The following TNR variants were observed in gnomAD, a reference collection of about 807,000 sequenced individuals.
The protein encoded by TNR is tenascin R.
TNR carries 45 observed loss-of-function variants against 150.4 expected under a neutral mutation model. The observed-to-expected ratio is 0.30, with a 90% CI of 0.24 to 0.38. TNR has a LOEUF of 0.38. Among genes scored for constraint, TNR ranks in the 10% least tolerant of loss-of-function variants. The pLI is 1.00. For synonymous variants in TNR, 687 were observed against 678.4 expected, an observed-to-expected ratio of 1.01 and a Z score of -0.20; for missense variants, 1,544 against 1,759.1, an observed-to-expected ratio of 0.88 and a Z score of 2.19.
intron 9 of TNR, among the ~76,000 whole-genome samples, chr1:175,379,253 T>C (rs982451171): frequency 6.0e-5 from 9 of 150,134 alleles, no homozygotes; most frequent in African/African-American, 2.2e-4. Context: ...GAGGGGGTTA[T>C]TGCAATGGTT....
At chr1:175,604,249 G>C (rs1663343343) in intron 1 of TNR, among the ~76,000 whole-genome samples, 1 of 152,144 alleles carries the variant, frequency 6.6e-6, no homozygotes, top group Admixed American at 6.5e-5. Context: ...CAGCGGAGAT[G>C]GATGGCCCCT....
chr1:175,414,671 C>T (rs1452271236), intron 2 of TNR, among the ~76,000 whole-genome samples: 1 of 152,230 alleles, frequency 6.6e-6, no homozygotes, highest in South Asian at 2.1e-4. Flanking sequence ...GTGCTCACTC[C>T]CCTCTAGGGA....
intron 1 of TNR, among the ~76,000 whole-genome samples, chr1:175,607,934 C>T (rs1035263045): frequency 2.0e-5 from 3 of 152,210 alleles, no homozygotes; most frequent in African/African-American, 7.2e-5. Context: ...AGCTGCTTAA[C>T]TGATGTACAG....
intron 21 of TNR, among the ~76,000 whole-genome samples, chr1:175,326,607 C>T (rs1221686645): frequency 6.6e-6 from 1 of 152,208 alleles, no homozygotes; most frequent in Non-Finnish European, 1.5e-5. Flanking sequence ...TCACTCTTTC[C>T]CATCTCTTCC....
chr1:175,375,233 G>A (rs752411165), intron 9 of TNR, among the ~76,000 whole-genome samples: 1 of 151,078 alleles, frequency 6.6e-6, no homozygotes, highest in African/African-American at 2.4e-5. Flanking sequence ...CTGTTACATG[G>A]TGCCAGGTTC....
intron 2 of TNR, among the ~76,000 whole-genome samples, chr1:175,413,288 AGTGTT>A (rs2102054584): frequency 6.6e-6 from 1 of 152,272 alleles, no homozygotes; most frequent in East Asian, 1.9e-4. Flanking sequence ...GGCCTCCCAA[AGTGTT>A]GGGATTACAG....
intron 1 of TNR, among the ~76,000 whole-genome samples, chr1:175,707,611 T>C (rs535094516): frequency 1.5e-4 from 23 of 152,252 alleles, no homozygotes; most frequent in Middle Eastern, 3.4e-3. Flanking sequence ...TTCACAGGCC[T>C]AAAAAAGACC....
At chr1:175,471,734 T>C (rs992908271) in intron 2 of TNR, among the ~76,000 whole-genome samples, 2 of 152,178 alleles carry the variant, frequency 1.3e-5, no homozygotes, top group African/African-American at 2.4e-5. Flanking sequence ...CACTGAATAC[T>C]TAGGCCATAC....
At chr1:175,424,865 G>C (rs757579989) in intron 2 of TNR, among the ~76,000 whole-genome samples, 1 of 152,046 alleles carries the variant, frequency 6.6e-6, no homozygotes, top group Non-Finnish European at 1.5e-5. Context: ...TGGAGCACGT[G>C]CTCAGAAAGA....
At chr1:175,627,947 A>G (rs1330120765) in intron 1 of TNR, among the ~76,000 whole-genome samples, 1 of 152,162 alleles carries the variant, frequency 6.6e-6, no homozygotes, top group Non-Finnish European at 1.5e-5. Flanking sequence ...AGCTGCCCCA[A>G]TCCACGATAG....
At chr1:175,709,055 G>A (rs895194281) in intron 1 of TNR, among the ~76,000 whole-genome samples, 6 of 136,076 alleles carry the variant, frequency 4.4e-5, no homozygotes, top group African/African-American at 1.7e-4. Context: ...CGCCTCACTG[G>A]GGGAAGATGA....
At chr1:175,734,429 T>C (rs1180220037) in intron 1 of TNR, among the ~76,000 whole-genome samples, 1 of 152,210 alleles carries the variant, frequency 6.6e-6, no homozygotes, top group East Asian at 1.9e-4. Context: ...TCTCCACAGC[T>C]AGTAAGTGGC....
intron 1 of TNR, among the ~76,000 whole-genome samples, chr1:175,718,786 C>T (rs766442931): frequency 6.6e-6 from 1 of 152,162 alleles, no homozygotes; most frequent in Non-Finnish European, 1.5e-5. Flanking sequence ...ACTTGTCTAA[C>T]GTAACACAGG....
intron 10 of TNR, 128 bp from the exon 11 acceptor site, chr1:175,366,266 A>G: frequency 9.8e-7 from 1 of 1,024,388 alleles, no homozygotes; most frequent in Non-Finnish European, 1.4e-6. Flanking sequence ...GTCATTGCTG[A>G]CACTTATCTA....
At position 175,537,214 on chromosome 1, in the gene TNR, C is replaced by T. The variant is rs61805097; in HGVS notation, c.-164-8845G>A. Among the ~76,000 whole-genome samples the T allele has an allele frequency of 1.5e-3, 228 of 152,306 alleles. 2 individuals carry two copies. The highest frequency in any genetic ancestry group is 8.5e-3 in the South Asian group (41 of 4,832). ...AGCCATCAATCACCAGGGTAATTTC[C>T]TGTCTTAAGACATGTGCTCTCCTCA... is the stretch of plus-strand genomic sequence containing the variant. On this transcript the variant is annotated intron_variant, in intron 1 of 22. Coordinates refer to ENST00000367674, the MANE Select transcript of TNR (RefSeq NM_003285.3).
chr1:175,567,547 T>C (rs1661691852), intron 1 of TNR, among the ~76,000 whole-genome samples: 2 of 152,134 alleles, frequency 1.3e-5, no homozygotes, highest in Admixed American at 6.6e-5. Context: ...CATCTGCGGG[T>C]CTAACATGGC....
At chr1:175,517,061 G>T (rs1156861046) in intron 2 of TNR, among the ~76,000 whole-genome samples, 1 of 145,822 alleles carries the variant, frequency 6.9e-6, no homozygotes, top group Non-Finnish European at 1.5e-5. Flanking sequence ...GAGAGAGAAA[G>T]AGAGAGAGAC....
At chr1:175,395,101 C>T (rs1292952571) in intron 5 of TNR, among the ~76,000 whole-genome samples, 1 of 151,960 alleles carries the variant, frequency 6.6e-6, no homozygotes, top group African/African-American at 2.4e-5. Flanking sequence ...TAATTATAGG[C>T]ATATTAACAG....
At chr1:175,715,242 C>T (rs1462941393) in intron 1 of TNR, among the ~76,000 whole-genome samples, 1 of 152,184 alleles carries the variant, frequency 6.6e-6, no homozygotes, top group African/African-American at 2.4e-5. Flanking sequence ...GCTCTCAGTA[C>T]CCATTCCATG....
Sources: gnomAD v4.1 joint callset for allele counts (sites outside exome capture counted in the v4.1 genomes callset) on GRCh38, gnomAD v4.1.1 for gene constraint, MANE v1.5 for transcripts, NCBI Gene and HGNC (gene_info 2026-07-23, HGNC 2026-07-21) for gene names.